SGIP1: variants seen among roughly 807,000 people sequenced by gnomAD.
SGIP1 encodes SH3-containing GRB2-like protein 3-interacting protein 1.
SGIP1 carries 38 observed loss-of-function variants against 107.5 expected under a neutral mutation model. The observed-to-expected ratio is 0.35, with a 90% CI of 0.27 to 0.46. The LOEUF (loss-of-function observed/expected upper bound fraction) is 0.46. Among genes scored for constraint, SGIP1 ranks in the 20% least tolerant of loss-of-function variants. The pLI, the probability that SGIP1 is intolerant of heterozygous loss-of-function variation, is 1.00. For synonymous variants in SGIP1, 365 were observed against 366.1 expected, an observed-to-expected ratio of 1.00 and a Z score of 0.03; for missense variants, 929 against 1,019.5, an observed-to-expected ratio of 0.91 and a Z score of 1.21.
intron 2 of SGIP1, among the ~76,000 whole-genome samples, chr1:66,627,563 C>A (rs1029122126): frequency 6.6e-6 from 1 of 151,984 alleles, no homozygotes; most frequent in Admixed American, 6.6e-5. Flanking sequence ...AAGGATTGGG[C>A]GAACAAAGTT....
intron 9 of SGIP1, 151 bp from the exon 10 acceptor site, chr1:66,670,844 C>T: frequency 2.5e-6 from 1 of 392,210 alleles, no homozygotes; most frequent in Admixed American, 4.2e-5. Context: ...TGTGTATCTA[C>T]AATTTCCTAC....
chr1:66,670,369 C>T (rs901688933), intron 9 of SGIP1, among the ~76,000 whole-genome samples: 11 of 152,218 alleles, frequency 7.2e-5, no homozygotes, highest in Non-Finnish European at 1.5e-4. Flanking sequence ...GAGCTAAAGA[C>T]ATTACTTCCA....
chr1:66,618,231 C>T (rs192552559), intron 1 of SGIP1, among the ~76,000 whole-genome samples: 1 of 152,348 alleles, frequency 6.6e-6, no homozygotes, highest in East Asian at 1.9e-4. Flanking sequence ...GCAAATCCCT[C>T]ACTCTGAGTC....
intron 9 of SGIP1, among the ~76,000 whole-genome samples, chr1:66,670,294 G>T (rs769012690): frequency 7.2e-5 from 11 of 152,204 alleles, no homozygotes; most frequent in Non-Finnish European, 1.3e-4. Context: ...TATAAAAACT[G>T]GAGATGACCT....
chr1:66,640,113 G>A (rs1451273898), intron 5 of SGIP1, among the ~76,000 whole-genome samples: 1 of 152,116 alleles, frequency 6.6e-6, no homozygotes, highest in Non-Finnish European at 1.5e-5. Context: ...TGTGGCCCAA[G>A]ACGATTCTTC....
At chr1:66,651,941 A>G (rs918553174) in intron 7 of SGIP1, among the ~76,000 whole-genome samples, 1 of 152,196 alleles carries the variant, frequency 6.6e-6, no homozygotes, top group Non-Finnish European at 1.5e-5. Context: ...GCATATTATA[A>G]TAATGCTATG....
chr1:66,661,040 G>A (rs1373313984), intron 8 of SGIP1, among the ~76,000 whole-genome samples: 2 of 152,150 alleles, frequency 1.3e-5, no homozygotes, highest in Non-Finnish European at 2.9e-5. Context: ...GTCTGGAAAA[G>A]AGAATCTTTA....
chr1:66,715,091 G>C (rs1487565780), intron 18 of SGIP1, among the ~76,000 whole-genome samples: 1 of 151,980 alleles, frequency 6.6e-6, no homozygotes, highest in African/African-American at 2.4e-5. Context: ...TACTTTGTAG[G>C]AATAAATTAC....
In SGIP1 at chr1:66,682,283, C is replaced by G. The variant is rs752857042; in HGVS notation, c.1229C>G (p.Thr410Ser). 7.4e-6 allele frequency: 12 copies of G among 1,614,114 alleles called. No individual in the cohort carries two copies. The African/African-American group carries it at 1.3e-4, about 18-fold the overall frequency. The change falls in exon 15 of 25, where the codon ACT becomes AGT. Residue 410 changes from threonine to serine, a missense_variant. By Grantham distance (58) the Thr-to-Ser change is moderately conservative. Transcript: ENST00000371037. ...PKDFGLGQRA[T>S]PPPPPPPTYR... ...GATTTTGGGTTGGGACAAAGAGCAA[C>G]TCCACCTCCCCCACCACCACCCACC...
In SGIP1 at chr1:66,729,998, C is replaced by T. The variant is rs370038858; in HGVS notation, c.1898+579C>T. 3.3e-5 allele frequency among the ~76,000 whole-genome samples: 5 copies of T among 152,128 alleles called. No individual in the cohort carries two copies. In the East Asian group the frequency reaches 7.8e-4, roughly 24 times the overall value. ...TGTATTTTTAGTAGAGATGGGGTTT[C>T]GCCATGTTGGCCAGGCTGGTCTCAA... On this transcript the variant is annotated intron_variant, in intron 20 of 24. Transcript: ENST00000371037.
At chr1:66,648,948 T>G (rs1428585392) in intron 7 of SGIP1, among the ~76,000 whole-genome samples, 8 of 152,224 alleles carry the variant, frequency 5.3e-5, no homozygotes, top group Admixed American at 3.9e-4. Context: ...GGACTTTTTG[T>G]GCAGAAGATC....
chr1:66,562,003 A>G (rs2059017675), intron 1 of SGIP1, among the ~76,000 whole-genome samples: 1 of 151,998 alleles, frequency 6.6e-6, no homozygotes, highest in South Asian at 2.1e-4. Context: ...TGAGTCACAG[A>G]TAGCAGTAGT....
intron 1 of SGIP1, among the ~76,000 whole-genome samples, chr1:66,619,496 A>C (rs1428890040): frequency 6.6e-6 from 1 of 152,210 alleles, no homozygotes; most frequent in Non-Finnish European, 1.5e-5. Flanking sequence ...TTCCCACCCC[A>C]GTCCCTTTAA....
chr1:66,727,199 T>C (rs2093796368), intron 19 of SGIP1, among the ~76,000 whole-genome samples: 1 of 152,210 alleles, frequency 6.6e-6, no homozygotes, highest in Admixed American at 6.5e-5. Context: ...TCCCAGAATG[T>C]ATAAAGAAAC....
chr1:66,553,423 C>A (rs2057724952), intron 1 of SGIP1, among the ~76,000 whole-genome samples: 1 of 151,882 alleles, frequency 6.6e-6, no homozygotes, highest in South Asian at 2.1e-4. Flanking sequence ...CACCTATAAT[C>A]CCAGCACTTT....
chr1:66,667,784 C>T (rs1294249243), intron 9 of SGIP1, among the ~76,000 whole-genome samples: 2 of 151,984 alleles, frequency 1.3e-5, no homozygotes, highest in Non-Finnish European at 2.9e-5. Flanking sequence ...TAGTACTAAA[C>T]TTGGAAAATA....
chr1:66,650,673 T>C (rs1309772000), intron 7 of SGIP1, among the ~76,000 whole-genome samples: 2 of 152,172 alleles, frequency 1.3e-5, no homozygotes, highest in African/African-American at 4.8e-5. Context: ...ATCTGCACCA[T>C]GTGCTGTGCT....
At chr1:66,574,812 A>G (rs895032715) in intron 1 of SGIP1, among the ~76,000 whole-genome samples, 3 of 152,040 alleles carry the variant, frequency 2.0e-5, no homozygotes, top group Admixed American at 6.5e-5. Flanking sequence ...GCACGCACGC[A>G]CATGTATATG....
intron 19 of SGIP1, among the ~76,000 whole-genome samples, chr1:66,723,814 G>A (rs925139968): frequency 1.3e-5 from 2 of 152,134 alleles, no homozygotes; most frequent in Non-Finnish European, 2.9e-5. Context: ...CAGAACCTAT[G>A]ACCCAGAACT....
Sources: allele counts gnomAD v4.1 joint callset (sites outside exome capture counted in the v4.1 genomes callset), GRCh38; gene constraint gnomAD v4.1.1; transcripts MANE v1.5; gene names NCBI Gene and HGNC (gene_info 2026-07-23, HGNC 2026-07-21).